The following EPHA4 variants were observed in gnomAD, a reference collection of about 807,000 sequenced individuals.
EPHA4 encodes the protein ephrin type-A receptor 4.
EPHA4 carries 19 observed loss-of-function variants against 108.3 expected under a neutral mutation model. The observed-to-expected ratio is 0.18, with a 90% CI of 0.12 to 0.26. The LOEUF (loss-of-function observed/expected upper bound fraction) is 0.26. EPHA4 is among the 10% of genes least tolerant of loss of function. The pLI, the probability that EPHA4 is intolerant of heterozygous loss-of-function variation, is 1.00. For synonymous variants in EPHA4, 449 were observed against 455.5 expected (o/e 0.99, Z 0.18); for missense variants, 917 against 1,254.0 (o/e 0.73, Z 4.06).
intron 3 of EPHA4, among the ~76,000 whole-genome samples, chr2:221,558,943 A>C (rs539500200): frequency 2.0e-5 from 3 of 152,254 alleles, no homozygotes; most frequent in Non-Finnish European, 4.4e-5. Context: ...TGCAAAGGAT[A>C]TGGAAGCAGC....
chr2:221,459,309 C>A (rs1369846279), intron 5 of EPHA4, among the ~76,000 whole-genome samples: 1 of 88,670 alleles, frequency 1.1e-5, no homozygotes, highest in African/African-American at 3.1e-5. Context: ...CACACACACA[C>A]CCCTCTATTT....
intron 1 of EPHA4, among the ~76,000 whole-genome samples, chr2:221,569,203 G>A (rs1312300653): frequency 6.6e-6 from 1 of 152,288 alleles, no homozygotes; most frequent in Non-Finnish European, 1.5e-5. Flanking sequence ...TCATCAGGGT[G>A]ACAGAGCCAC....
At chr2:221,554,119 G>C (rs1694240218) in intron 3 of EPHA4, among the ~76,000 whole-genome samples, 1 of 152,174 alleles carries the variant, frequency 6.6e-6, no homozygotes, top group African/African-American at 2.4e-5. Context: ...CAGATAAGCA[G>C]CTGAATTTTC....
At chr2:221,513,817 G>A (rs576349363) in intron 3 of EPHA4, among the ~76,000 whole-genome samples, 18 of 152,286 alleles carry the variant, frequency 1.2e-4, no homozygotes, top group Admixed American at 6.5e-4. Context: ...TATCATATGT[G>A]TTTGACTCTT....
At chr2:221,478,870 G>A (rs1408391963) in intron 5 of EPHA4, among the ~76,000 whole-genome samples, 1 of 152,200 alleles carries the variant, frequency 6.6e-6, no homozygotes, top group Non-Finnish European at 1.5e-5. Context: ...CAGATATAAA[G>A]CTCACATCCT....
At position 221,571,446 on chromosome 2, in the gene EPHA4, CTG is replaced by C. The variant is rs980145903; in HGVS notation, c.91+710_91+711del. Among the ~76,000 whole-genome samples, 1 of 151,866 alleles carries C rather than the reference CTG, an allele frequency of 6.6e-6. No individual in the cohort carries two copies. The highest frequency in any genetic ancestry group is 1.5e-5 in the Non-Finnish European group (1 of 67,990). ...GTCGACCCCGCACGTTAGCTCTAAA[CTG>C]TGTGCAATTCTGGGGCGAAAAGCTA... On this transcript the variant is annotated intron_variant, in intron 1 of 17. Transcript: ENST00000281821. This position sits in a 1 kb window ranked among gnomAD's most constrained non-coding sequence, Gnocchi z 6.3.
At chr2:221,498,790 C>CTTT (rs757231773) in intron 4 of EPHA4, among the ~76,000 whole-genome samples, 5 of 135,668 alleles carry the variant, frequency 3.7e-5, no homozygotes, top group African/African-American at 1.4e-4. Context: ...TTTTTTTTTT[C>CTTT]TTTTTTTTTT....
intron 3 of EPHA4, among the ~76,000 whole-genome samples, chr2:221,532,315 G>A (rs1248075847): frequency 2.0e-5 from 3 of 151,998 alleles, no homozygotes; most frequent in Non-Finnish European, 2.9e-5. Context: ...TAGAGACGGG[G>A]TTTCACCATA....
At chr2:221,458,657 C>T (rs899965773) in intron 5 of EPHA4, among the ~76,000 whole-genome samples, 1 of 152,160 alleles carries the variant, frequency 6.6e-6, no homozygotes, top group Non-Finnish European at 1.5e-5. Flanking sequence ...CTGCTCTTTC[C>T]ACTGCGAAGG....
At chr2:221,489,438 C>A (rs1314127040) in intron 4 of EPHA4, among the ~76,000 whole-genome samples, 1 of 152,128 alleles carries the variant, frequency 6.6e-6, no homozygotes, top group East Asian at 1.9e-4. Flanking sequence ...CAAAATTTTG[C>A]ACATGCAACT....
At chr2:221,528,236 T>G (rs1693402108) in intron 3 of EPHA4, among the ~76,000 whole-genome samples, 1 of 152,176 alleles carries the variant, frequency 6.6e-6, no homozygotes, top group Admixed American at 6.5e-5. Flanking sequence ...ATGTACTCAT[T>G]GAGTAAAAAA....
chr2:221,483,310 C>A (rs1468665715), intron 4 of EPHA4, among the ~76,000 whole-genome samples: 1 of 152,020 alleles, frequency 6.6e-6, no homozygotes, highest in African/African-American at 2.4e-5. Context: ...GCTCCCAGAC[C>A]CCTCCTCCTG....
At chr2:221,552,618 A>C (rs1694195659) in intron 3 of EPHA4, among the ~76,000 whole-genome samples, 1 of 152,232 alleles carries the variant, frequency 6.6e-6, no homozygotes, top group African/African-American at 2.4e-5. Context: ...CAGGCTGGGC[A>C]CTTCAAAAGG....
chr2:221,496,213 C>T (rs940788412), intron 4 of EPHA4, among the ~76,000 whole-genome samples: 58 of 152,130 alleles, frequency 3.8e-4, no homozygotes, highest in Non-Finnish European at 4.0e-4. Flanking sequence ...TCTGTTGGAA[C>T]GTCTACTACA....
intron 4 of EPHA4, among the ~76,000 whole-genome samples, chr2:221,490,038 TG>T (rs1692094239): frequency 6.6e-6 from 1 of 151,178 alleles, no homozygotes; most frequent in African/African-American, 2.4e-5. Flanking sequence ...CCCAGCTACT[TG>T]GGAAGCTGAG....
At chr2:221,550,472 CT>C (rs954064739) in intron 3 of EPHA4, among the ~76,000 whole-genome samples, 2 of 140,922 alleles carry the variant, frequency 1.4e-5, no homozygotes, top group Admixed American at 7.1e-5. Flanking sequence ...CTAATGTCAC[CT>C]GGATATTTAT....
intron 3 of EPHA4, among the ~76,000 whole-genome samples, chr2:221,535,809 C>G (rs1693652544): frequency 6.6e-6 from 1 of 152,106 alleles, no homozygotes; most frequent in African/African-American, 2.4e-5. Flanking sequence ...TTTCCCAACT[C>G]CAGTAGGGAA....
chr2:221,482,803 A>G, intron 4 of EPHA4, 113 bp from the exon 5 acceptor site: 1 of 935,770 alleles, frequency 1.1e-6, no homozygotes, highest in Non-Finnish European at 1.6e-6. Flanking sequence ...CCACTTGGCA[A>G]AGAAAGCAAA....
At position 221,553,392 on chromosome 2, in the gene EPHA4, A is replaced by G. The variant is rs566641868; in HGVS notation, c.823+10339T>C. On this transcript the variant is annotated intron_variant, in intron 3 of 17. Coordinates refer to ENST00000281821, the MANE Select transcript of EPHA4 (RefSeq NM_004438.5). ...GAAGTCTTAAATCAGGGAAGTTCTT[A>G]AGGACAAAAGCCCAAGAGAAAAAGC... Among the ~76,000 whole-genome samples the G allele has an allele frequency of 3.9e-5, 6 of 152,356 alleles. No homozygotes were observed. In the East Asian group the frequency reaches 1.2e-3, roughly 29 times the overall value.
Sources: gnomAD v4.1 joint callset for allele counts (sites outside exome capture counted in the v4.1 genomes callset) on GRCh38, gnomAD v4.1.1 for gene constraint, Gnocchi (gnomAD v3.1) non-coding constraint, MANE v1.5 for transcripts, NCBI Gene and HGNC (gene_info 2026-07-23, HGNC 2026-07-21) for gene names.